Variants in SLC28A2 observed in about 807,000 individuals in gnomAD.
SLC28A2 encodes the protein sodium/nucleoside cotransporter 2.
A neutral mutation model predicts 72.9 loss-of-function variants in SLC28A2; 69 were observed. That is an observed-to-expected ratio of 0.95 (90% CI 0.78 to 1.16). SLC28A2 has a LOEUF of 1.16. Among genes scored for constraint, SLC28A2 ranks in the 50% most tolerant of loss-of-function variants. The pLI, the probability that SLC28A2 is intolerant of heterozygous loss-of-function variation, is 0.00. For synonymous variants in SLC28A2, 296 were observed against 294.1 expected (o/e 1.01, Z -0.07); for missense variants, 745 against 791.1 (o/e 0.94, Z 0.70).
At chr15:45,257,414 A>T (rs188144312) in intron 3 of SLC28A2, among the ~76,000 whole-genome samples, 5 of 152,330 alleles carry the variant, frequency 3.3e-5, no homozygotes, top group Non-Finnish European at 5.9e-5. Context: ...GGCAAGATCA[A>T]TGTCTATTTC....
intron 14 of SLC28A2, 64 bp downstream of exon 14, chr15:45,269,599 C>A: frequency 1.4e-6 from 2 of 1,420,288 alleles, no homozygotes; most frequent in East Asian, 2.3e-5. Flanking sequence ...TGAGGGTAGA[C>A]AGAAAGTGCC....
At chr15:45,262,920 TTCTG>T (rs1900205024) in intron 4 of SLC28A2, 137 bp from the exon 5 acceptor site, 1 of 643,052 alleles carries the variant, frequency 1.6e-6, no homozygotes. Context: ...AGAAGTGCAG[TTCTG>T]TCTGACAGTA....
chr15:45,265,107 G>C lies in SLC28A2; in HGVS notation c.721G>C (p.Val241Leu), dbSNP rs1900290966. 1 of 1,612,588 alleles carries C rather than the reference G, an allele frequency of 6.2e-7. No individual in the cohort carries two copies. The highest frequency in any genetic ancestry group is 8.5e-7 in the Non-Finnish European group (1 of 1,178,684). ...EQVQIFLNYTVAGSSFVFGDT... is the reference protein window; with the variant it reads ...EQVQIFLNYTLAGSSFVFGDT... ...CCTTCAGATTTTCCTGAACTACACT[G>C]TGGCCGGCTCCAGTTTTGTCTTTGG... The change falls in exon 8 of 18, where the codon GTG (valine) becomes CTG (leucine). Residue 241 changes from valine (V) to leucine (L), a missense_variant. Coordinates refer to ENST00000347644, the MANE Select transcript of SLC28A2 (RefSeq NM_004212.4).
intron 3 of SLC28A2, chr15:45,255,398 G>A (rs1484926225): frequency 6.6e-6 from 1 of 152,164 alleles, no homozygotes; most frequent in African/African-American, 2.4e-5. Context: ...AATATTATTG[G>A]TTTTGTGGTT....
chr15:45,254,961 A>T (rs1055045627), intron 3 of SLC28A2, among the ~76,000 whole-genome samples: 3 of 152,196 alleles, frequency 2.0e-5, no homozygotes, highest in Non-Finnish European at 2.9e-5. Context: ...TAAATGTTTA[A>T]GAATTGACTC....
rs1900790706 is a variant in SLC28A2 at position 45,277,773 on chromosome 15, A to G, written c.*2260A>G. On this transcript the variant is annotated 3_prime_UTR_variant, in exon 18 of 18. Coordinates refer to ENST00000347644, the MANE Select transcript of SLC28A2 (RefSeq NM_004212.4). Reference sequence around the variant, plus strand: ...TGTGCAACATTGTGAATATTATGTCACTGAATTGTTCACTTTAAAATGGCT... The same window carrying G: ...TGTGCAACATTGTGAATATTATGTCGCTGAATTGTTCACTTTAAAATGGCT... 1 of 127,876 alleles carries G rather than the reference A, an allele frequency of 7.8e-6. No homozygotes were observed. The highest frequency in any genetic ancestry group is 1.8e-5 in the Non-Finnish European group (1 of 56,136). 7.9% of individuals were successfully genotyped at this position (127,876 alleles called of 1,614,324 possible). A position where few individuals can be genotyped will look rare whatever the true frequency, so the allele number is the denominator to read the frequency against.
chr15:45,266,204 C>A, intron 10 of SLC28A2, 43 bp downstream of exon 10: 1 of 1,387,686 alleles, frequency 7.2e-7, no homozygotes, highest in Non-Finnish European at 1.0e-6. Flanking sequence ...CTCTGAGGAA[C>A]TGAGAATTTG....
chr15:45,266,200 G>A (rs1900331817), intron 10 of SLC28A2, 39 bp downstream of exon 10: 2 of 1,412,810 alleles, frequency 1.4e-6, no homozygotes, highest in Admixed American at 1.7e-5. Context: ...TTCCCTCTGA[G>A]GAACTGAGAA....
At chr15:45,268,521 G>C (rs1900421491) in intron 13 of SLC28A2, 143 bp downstream of exon 13, 1 of 647,346 alleles carries the variant, frequency 1.5e-6, no homozygotes. Flanking sequence ...GAAACAACAG[G>C]TGCTGGAGAG....
At chr15:45,274,246 C>G (rs1900678551) in intron 17 of SLC28A2, among the ~76,000 whole-genome samples, 1 of 152,092 alleles carries the variant, frequency 6.6e-6, no homozygotes, top group African/African-American at 2.4e-5. Flanking sequence ...CACCTATAAT[C>G]CCAGCACTTT....
At position 45,267,816 on chromosome 15, in the gene SLC28A2, T is replaced by G. The variant is rs761762229; in HGVS notation, c.1199+20T>G. ...CCGTGGGTGAGTCCAAGGAGGCATA[T>G]ACTTTGGGAGATGGTGAGCTGTAGT... On this transcript the variant is annotated intron_variant, in intron 12 of 17. Transcript: ENST00000347644. The G allele has an allele frequency of 1.2e-6, 2 of 1,613,418 alleles. No homozygotes were observed. Among genetic ancestry groups the G allele is most frequent in the East Asian group, 4.5e-5 (2 of 44,872 alleles).
intron 13 of SLC28A2, 77 bp from the exon 14 acceptor site, chr15:45,269,261 C>A: frequency 1.7e-6 from 2 of 1,192,610 alleles, no homozygotes; most frequent in South Asian, 1.3e-5. Flanking sequence ...TGGGCCAAGG[C>A]TCCAGAGAAG....
At chr15:45,253,346 G>T (rs1279056735) in intron 2 of SLC28A2, 50 bp downstream of exon 2, 2 of 1,553,346 alleles carry the variant, frequency 1.3e-6, no homozygotes, top group Non-Finnish European at 1.8e-6. Flanking sequence ...TGCTGCATGG[G>T]CTCCTGTAGG....
chr15:45,267,583 A>G lies in SLC28A2; in HGVS notation c.1068+3A>G. On this transcript the variant is annotated splice_donor_region_variant and intron_variant, in intron 11 of 17. Coordinates refer to ENST00000347644, the MANE Select transcript of SLC28A2 (RefSeq NM_004212.4). ...TGGGAGCCTTCATAGCCTTTGGGGT[A>G]GGCATAGTCTGCTTGATCACTCCTG... 1.9e-6 allele frequency: 3 copies of G among 1,614,124 alleles called. No individual in the cohort carries two copies. Among genetic ancestry groups the G allele is most frequent in the Middle Eastern group, 1.7e-4 (1 of 6,060 alleles).
chr15:45,263,161 G>C lies in SLC28A2; in HGVS notation c.363G>C (p.Ser121=), dbSNP rs771965795. ...TCLVIFVLVH[S]FLKKLLGKKL... is the part of the protein sequence containing the mutation. ...TGGTGATCTTTGTCCTGGTTCACTC[G>C]TTTTTGAAAAAGCTCCTGGGCAAAA... The change falls in exon 5 of 18, where the codon TCG becomes TCC. Residue 121 remains serine (S), a synonymous_variant. Coordinates refer to ENST00000347644, the MANE Select transcript of SLC28A2 (RefSeq NM_004212.4). The C allele has an allele frequency of 1.2e-6, 2 of 1,614,014 alleles. No individual in the cohort carries two copies. Among genetic ancestry groups the C allele is most frequent in the Non-Finnish European group, 1.7e-6 (2 of 1,179,958 alleles).
intron 15 of SLC28A2, among the ~76,000 whole-genome samples, chr15:45,270,985 C>A (rs887577156): frequency 1.3e-5 from 2 of 152,112 alleles, no homozygotes; most frequent in Non-Finnish European, 2.9e-5. Flanking sequence ...AGGCTGCTCA[C>A]TAGTCATCCT....
chr15:45,267,580 G>A lies in SLC28A2; in HGVS notation c.1068G>A (p.Gly356=), dbSNP rs995339847. 1 of 1,614,056 alleles carries A rather than the reference G, an allele frequency of 6.2e-7. No homozygotes were observed. Among genetic ancestry groups the A allele is most frequent in the South Asian group, 1.1e-5 (1 of 91,078 alleles). The change falls in exon 11 of 18, where the codon GGG becomes GGA. Residue 356 remains glycine, a splice_region_variant and synonymous_variant. Coordinates refer to ENST00000347644, the MANE Select transcript of SLC28A2 (RefSeq NM_004212.4). The stretch of plus-strand genomic sequence containing the variant: ...TGCTGGGAGCCTTCATAGCCTTTGG[G>A]GTAGGCATAGTCTGCTTGATCACTC... ...GTVLGAFIAF[G]VDASSLISAS... is the part of the protein sequence containing the mutation.
chr15:45,267,023 CA>C (rs1159607123), intron 10 of SLC28A2, among the ~76,000 whole-genome samples: 1 of 152,120 alleles, frequency 6.6e-6, no homozygotes, highest in Non-Finnish European at 1.5e-5. Flanking sequence ...GATCCATAAG[CA>C]GGGGGTTTGG....
Position 45,265,180 on chromosome 15 carries a change from T to C in SLC28A2, c.780+14T>C. 6.5e-7 allele frequency: 1 copy of C among 1,535,252 alleles called. No homozygotes were observed. Among genetic ancestry groups the C allele is most frequent in the Non-Finnish European group, 9.0e-7 (1 of 1,108,330 alleles). ...TTTGCTTTTCAGGTGATACCTATTT[T>C]ATGGGCAGGAATGATGGTCTATGGA... On this transcript the variant is annotated intron_variant, in intron 8 of 17. Coordinates refer to ENST00000347644, the MANE Select transcript of SLC28A2 (RefSeq NM_004212.4).
Sources: gnomAD v4.1 joint callset for allele counts (sites outside exome capture counted in the v4.1 genomes callset) on GRCh38, gnomAD v4.1.1 for gene constraint, MANE v1.5 for transcripts, NCBI Gene and HGNC (gene_info 2026-07-23, HGNC 2026-07-21) for gene names.